The following ZNF250 variants were observed in gnomAD, a reference collection of about 807,000 sequenced individuals.
ZNF250 encodes zinc finger protein (clone 647).
In ZNF250, 13 loss-of-function variants were observed where a neutral mutation model predicts 37.1. The ratio of observed to expected loss-of-function variants is 0.35; its 90% confidence interval spans 0.23 to 0.56. The LOEUF (loss-of-function observed/expected upper bound fraction) is 0.56, where lower values mean the gene tolerates loss of function less well. Ranked by LOEUF, ZNF250 falls within the 20% of genes least tolerant of loss-of-function variation. The pLI is 0.87. For synonymous variants in ZNF250, 251 were observed against 265.6 expected (o/e 0.94, Z 0.54); for missense variants, 474 against 697.9 (o/e 0.68, Z 3.61).
intron 1 of ZNF250, among the ~76,000 whole-genome samples, chr8:144,898,811 T>C (rs1832894929): frequency 6.6e-6 from 1 of 152,278 alleles, no homozygotes; most frequent in Non-Finnish European, 1.5e-5. Flanking sequence ...AGACAATATG[T>C]ATGGCCAACA....
chr8:144,886,966 G>T (rs987558324), intron 4 of ZNF250, 64 bp from the exon 5 acceptor site: 13 of 1,471,984 alleles, frequency 8.8e-6, no homozygotes, highest in African/African-American at 4.2e-5. Flanking sequence ...GAAAATCCTG[G>T]CCGGGCATGG....
At chr8:144,884,541 G>A (rs1280727365) in intron 5 of ZNF250, among the ~76,000 whole-genome samples, 3 of 152,056 alleles carry the variant, frequency 2.0e-5, no homozygotes, top group Admixed American at 6.5e-5. Flanking sequence ...CAGGAGCCAC[G>A]GCGCCCGGTC....
chr8:144,883,340 TTC>T (rs1216995958), intron 5 of ZNF250, among the ~76,000 whole-genome samples: 2 of 151,100 alleles, frequency 1.3e-5, no homozygotes, highest in Non-Finnish European at 2.9e-5. Context: ...GGAAAATAAT[TTC>T]TTTTTTTTTT....
At position 144,882,466 on chromosome 8, in the gene ZNF250, T is replaced by C. The variant is rs761691904; in HGVS notation, c.717A>G (p.Lys239=). ...TCTCACCTGTGTGAATTCTCCTGTG[T>C]TTACTAAGGACTGAGCTCTGGCTGA... ...KAFSQSSVLS[K]HRRIHTGEKP... Residue 239 remains lysine (K), a synonymous_variant, in exon 6 of 6, where the codon AAA becomes AAG. Transcript: ENST00000417550. This position sits in a 1 kb window ranked among gnomAD's most constrained non-coding sequence, Gnocchi z 5.5. 1.9e-6 allele frequency: 3 copies of C among 1,604,872 alleles called. No individual in the cohort carries two copies. Among genetic ancestry groups the C allele is most frequent in the Non-Finnish European group, 8.5e-7 (1 of 1,176,692 alleles).
chr8:144,877,193 C>T lies in ZNF250; in HGVS notation c.*4322G>A, dbSNP rs184752294. On this transcript the variant is annotated 3_prime_UTR_variant, in exon 6 of 6. Transcript: ENST00000417550. ...CACTAGTCTTGAACTCCCAATCAAT[C>T]CTCCCACCTTAGCCTCCCACGTATC... 6.6e-6 allele frequency: 1 copy of T among 152,278 alleles called. No individual in the cohort carries two copies. The highest frequency in any genetic ancestry group is 2.4e-5 in the African/African-American group (1 of 41,532). The allele number at this position is 152,278 out of a possible 1,614,324, so 9.4% of individuals were successfully genotyped here. A position where few individuals can be genotyped will look rare whatever the true frequency, so the allele number is the denominator to read the frequency against.
chr8:144,892,937 G>T (rs572842008), intron 1 of ZNF250, among the ~76,000 whole-genome samples: 2 of 148,736 alleles, frequency 1.3e-5, no homozygotes, highest in South Asian at 2.1e-4. Flanking sequence ...TTGGCTCACC[G>T]CAACCCCTGC....
chr8:144,892,423 C>T (rs914550850), intron 1 of ZNF250, among the ~76,000 whole-genome samples: 1 of 152,160 alleles, frequency 6.6e-6, no homozygotes, highest in Non-Finnish European at 1.5e-5. Flanking sequence ...GACAGAGGAA[C>T]AGATGAAGCC....
intron 5 of ZNF250, among the ~76,000 whole-genome samples, chr8:144,885,797 A>C (rs1274502343): frequency 6.6e-6 from 1 of 152,122 alleles, no homozygotes; most frequent in Non-Finnish European, 1.5e-5. Flanking sequence ...TTACACTGAA[A>C]AGTATTACTT....
chr8:144,898,783 G>C (rs968642539), intron 1 of ZNF250, among the ~76,000 whole-genome samples: 1 of 152,070 alleles, frequency 6.6e-6, no homozygotes, highest in African/African-American at 2.4e-5. Flanking sequence ...TAAATGATCT[G>C]AGTAATTTAT....
Position 144,881,978 on chromosome 8 carries a change from C to T in ZNF250, c.1205G>A (p.Arg402His), listed in dbSNP as rs1355061143. 5 of 1,612,752 alleles carry T rather than the reference C, an allele frequency of 3.1e-6. No individual in the cohort carries two copies. Among genetic ancestry groups the T allele is most frequent in the Admixed American group, 1.7e-5 (1 of 59,886 alleles). The change falls in exon 6 of 6, where the codon CGC becomes CAC. Residue 402 changes from arginine (R) to histidine (H), a missense_variant. Around this residue, in one of 2 missense-constraint regions of ZNF250, gnomAD observed 282 missense variants for 470.4 expected, o/e 0.60. Coordinates refer to ENST00000417550, the MANE Select transcript of ZNF250 (RefSeq NM_001109689.4). Reference protein sequence around the residue: ...CSECGKTFSHRSTLMNHERIH... With the variant: ...CSECGKTFSHHSTLMNHERIH... ...CCGCTCGTGATTCATCAGTGTGGAG[C>T]GGTGGCTGAAGGTCTTCCCACACTC...
chr8:144,888,965 TCAC>T (rs1832112491), intron 4 of ZNF250, among the ~76,000 whole-genome samples: 1 of 152,184 alleles, frequency 6.6e-6, no homozygotes, highest in African/African-American at 2.4e-5. Flanking sequence ...AGACAGGGTT[TCAC>T]CGTGTTAGCC....
intron 1 of ZNF250, among the ~76,000 whole-genome samples, chr8:144,898,067 G>C (rs1467086683): frequency 2.0e-5 from 3 of 152,144 alleles, no homozygotes; most frequent in African/African-American, 7.2e-5. Context: ...AGATTTTGGG[G>C]GGGCCTGATC....
At chr8:144,883,099 C>T (rs889976817) in intron 5 of ZNF250, among the ~76,000 whole-genome samples, 2 of 152,220 alleles carry the variant, frequency 1.3e-5, no homozygotes, top group African/African-American at 4.8e-5. Flanking sequence ...GTGGAGTCCA[C>T]AGAACAGCAG....
At position 144,882,094 on chromosome 8, in the gene ZNF250, C is replaced by T. The variant is rs146692139; in HGVS notation, c.1089G>A (p.Thr363=). Residue 363 remains threonine, a synonymous_variant, in exon 6 of 6, where the codon ACG becomes ACA. Coordinates refer to ENST00000417550, the MANE Select transcript of ZNF250 (RefSeq NM_001109689.4). This position sits in a 1 kb window ranked among gnomAD's most constrained non-coding sequence, Gnocchi z 5.5. ...TGAAGGCCTTCCCACACTCGCTGCA[C>T]GTGTAGGGCTTCTCCCCGGTGTGGA... ...QRIHTGEKPY[T]CSECGKAFSD... is the part of the protein sequence containing the mutation. The T allele has an allele frequency of 3.4e-4, 543 of 1,613,988 alleles. 2 individuals carry two copies. In the Middle Eastern group the frequency reaches 4.5e-3, roughly 13 times the overall value.
At position 144,876,993 on chromosome 8, in the gene ZNF250, T is replaced by C. The variant is rs1831166919; in HGVS notation, c.*4522A>G. On this transcript the variant is annotated 3_prime_UTR_variant, in exon 6 of 6. Coordinates refer to ENST00000417550, the MANE Select transcript of ZNF250 (RefSeq NM_001109689.4). ...TTTTTTATTGGAAAGCGTCAGATTA[T>C]ACACAGAAATTCCAGGCAGACTAAA... 6.6e-6 allele frequency: 1 copy of C among 152,248 alleles called. No homozygotes were observed. Among genetic ancestry groups the C allele is most frequent in the Non-Finnish European group, 1.5e-5 (1 of 68,042 alleles). The allele number at this position is 152,248 out of a possible 1,614,324, so 9.4% of individuals were successfully genotyped here. A position where few individuals can be genotyped will look rare whatever the true frequency, so the allele number is the denominator to read the frequency against.
At position 144,882,631 on chromosome 8, in the gene ZNF250, G is replaced by C. The variant is rs923632407; in HGVS notation, c.552C>G (p.His184Gln). ...VLSQSMPLTP[H>Q]QAVPSGERPY... Reference sequence around the variant, plus strand: ...GCCTCTCTCCACTAGGCACTGCCTGGTGCGGAGTGAGTGGCATGCTTTGGC... The same window carrying C: ...GCCTCTCTCCACTAGGCACTGCCTGCTGCGGAGTGAGTGGCATGCTTTGGC... Residue 184 changes from histidine to glutamine, a missense_variant, in exon 6 of 6, where the codon CAC becomes CAG. By Grantham distance (24) the His-to-Gln change is conservative. Around this residue, in one of 2 missense-constraint regions of ZNF250, gnomAD observed 192 missense variants for 227.5 expected, o/e 0.84. Transcript: ENST00000417550. The surrounding 1 kb of genome is among the most constrained non-coding windows in gnomAD (Gnocchi z 5.5). 5 of 1,613,886 alleles carry C rather than the reference G, an allele frequency of 3.1e-6. No homozygotes were observed. Among genetic ancestry groups the C allele is most frequent in the Non-Finnish European group, 4.2e-6 (5 of 1,179,922 alleles).
intron 1 of ZNF250, among the ~76,000 whole-genome samples, chr8:144,893,071 C>G (rs1183043168): frequency 6.6e-6 from 1 of 151,772 alleles, no homozygotes; most frequent in East Asian, 1.9e-4. Flanking sequence ...CCATCTTGGT[C>G]AGGCTGGTCT....
rs1832257610 is a variant in ZNF250 at position 144,890,514 on chromosome 8, G to A, written c.-54-111C>T. 3 of 573,934 alleles carry A rather than the reference G, an allele frequency of 5.2e-6. No individual in the cohort carries two copies. In the South Asian group the frequency reaches 1.3e-4, roughly 25 times the overall value. The allele number at this position is 573,934 out of a possible 1,614,324, so 35.6% of individuals were successfully genotyped here. ...TCAGAGTCACTGAGGGGCACACTGA[G>A]GTCAGGTGCAAGGAGCTGCTACTGT... On this transcript the variant is annotated intron_variant, in intron 1 of 5. Coordinates refer to ENST00000417550, the MANE Select transcript of ZNF250 (RefSeq NM_001109689.4). This position sits in a 1 kb window ranked among gnomAD's most constrained non-coding sequence, Gnocchi z 5.1.
At chr8:144,893,582 T>C (rs77280280) in intron 1 of ZNF250, among the ~76,000 whole-genome samples, 4,023 of 152,292 alleles carry the variant, frequency 0.026, 229 homozygotes, top group East Asian at 0.22. Flanking sequence ...ATGCCCCTCT[T>C]GGCCTCCTAG....
Sources: allele counts gnomAD v4.1 joint callset (sites outside exome capture counted in the v4.1 genomes callset), GRCh38; gene constraint gnomAD v4.1.1; regional missense constraint gnomAD v4.1.1; non-coding constraint Gnocchi (gnomAD v3.1); transcripts MANE v1.5; gene names NCBI Gene and HGNC (gene_info 2026-07-23, HGNC 2026-07-21).